Variants in CFAP77 observed in about 807,000 individuals in gnomAD.
The protein encoded by CFAP77 is cilia and flagella associated protein 77.
In CFAP77, 25 loss-of-function variants were observed where a neutral mutation model predicts 31.1. The observed-to-expected ratio is 0.80, with a 90% CI of 0.59 to 1.12. The LOEUF is 1.12. Ranked by LOEUF, CFAP77 falls within the 50% of genes most tolerant of loss-of-function variation. The pLI, the probability that CFAP77 is intolerant of heterozygous loss-of-function variation, is 0.00. For missense variants in CFAP77, 377 were observed against 397.3 expected, an observed-to-expected ratio of 0.95 and a Z score of 0.44; for synonymous variants, 151 against 159.9, an observed-to-expected ratio of 0.94 and a Z score of 0.42.
chr9:132,549,225 A>C (rs1852784724), intron 5 of CFAP77, among the ~76,000 whole-genome samples: 1 of 152,190 alleles, frequency 6.6e-6, no homozygotes, highest in Admixed American at 6.5e-5. Flanking sequence ...TGTCCAGTTA[A>C]AATGAAGATG....
chr9:132,494,803 G>A (rs1258973128), intron 1 of CFAP77, among the ~76,000 whole-genome samples: 1 of 152,166 alleles, frequency 6.6e-6, no homozygotes, highest in Non-Finnish European at 1.5e-5. Flanking sequence ...ATGGCTCTTG[G>A]CCACTGGGAC....
chr9:132,525,123 G>A (rs1036628223), intron 3 of CFAP77, among the ~76,000 whole-genome samples: 22 of 128,798 alleles, frequency 1.7e-4, no homozygotes, highest in African/African-American at 4.3e-4. Flanking sequence ...GAGTTCAAGC[G>A]GTTCTCCTGC....
Position 132,490,922 on chromosome 9 carries a change from C to A in CFAP77, c.196-7773C>A, listed in dbSNP as rs948375828. Among the ~76,000 whole-genome samples the A allele has an allele frequency of 3.9e-5, 6 of 152,176 alleles. No individual in the cohort carries two copies. The highest frequency in any genetic ancestry group is 7.3e-5 in the Non-Finnish European group (5 of 68,028). ...GTGTCTGTGTGGGTTTTTCTCCAGG[C>A]ACTCTGGTTTCCTTCCACATCCCAG... On this transcript the variant is annotated intron_variant, in intron 1 of 5. Coordinates refer to ENST00000393216, the MANE Select transcript of CFAP77 (RefSeq NM_001282957.2). The surrounding 1 kb of genome is among the most constrained non-coding windows in gnomAD (Gnocchi z 4.6).
At chr9:132,438,126 C>T (rs1004444664) in intron 1 of CFAP77, among the ~76,000 whole-genome samples, 4 of 144,718 alleles carry the variant, frequency 2.8e-5, no homozygotes, top group Non-Finnish European at 4.5e-5. Flanking sequence ...CACTTGAACC[C>T]AGGAGGCGGA....
chr9:132,571,524 G>A (rs1829959531), intron 5 of CFAP77, among the ~76,000 whole-genome samples: 1 of 152,142 alleles, frequency 6.6e-6, no homozygotes. Flanking sequence ...AGTCTCTCTG[G>A]TTTACTGCCA....
chr9:132,491,995 C>G lies in CFAP77; in HGVS notation c.196-6700C>G, dbSNP rs533891097. On this transcript the variant is annotated intron_variant, in intron 1 of 5. Coordinates refer to ENST00000393216, the MANE Select transcript of CFAP77 (RefSeq NM_001282957.2). ...CATAAATCTCAGTCTATATATTGAA[C>G]AGTAGACTTTTGCCAGGCACAGTGG... Among the ~76,000 whole-genome samples, 130 of 152,296 alleles carry G rather than the reference C, an allele frequency of 8.5e-4. 1 individual carries two copies. The highest frequency in any genetic ancestry group is 3.1e-3 in the African/African-American group (128 of 41,556).
intron 1 of CFAP77, among the ~76,000 whole-genome samples, chr9:132,446,657 T>G: frequency 6.8e-6 from 1 of 146,728 alleles, no homozygotes; most frequent in African/African-American, 2.5e-5. Flanking sequence ...AGGAGAATAG[T>G]GTGAACCCAG....
At chr9:132,435,313 T>C (rs1021195324) in intron 1 of CFAP77, among the ~76,000 whole-genome samples, 2 of 152,156 alleles carry the variant, frequency 1.3e-5, no homozygotes, top group African/African-American at 4.8e-5. Context: ...ATGTTGTAAC[T>C]TCCATTTTGG....
chr9:132,514,827 G>A (rs945842413), intron 3 of CFAP77, among the ~76,000 whole-genome samples: 5 of 152,210 alleles, frequency 3.3e-5, no homozygotes, highest in African/African-American at 7.2e-5. Flanking sequence ...TAGGGAGACA[G>A]GCGGGGCCTC....
At chr9:132,535,480 G>A (rs1852526659) in intron 3 of CFAP77, among the ~76,000 whole-genome samples, 1 of 152,160 alleles carries the variant, frequency 6.6e-6, no homozygotes. Context: ...AGGAGGCCGA[G>A]GTGGGCAGAT....
intron 3 of CFAP77, among the ~76,000 whole-genome samples, chr9:132,529,369 AG>A (rs1336039944): frequency 6.9e-5 from 6 of 87,440 alleles, no homozygotes; most frequent in Non-Finnish European, 1.3e-4. Flanking sequence ...GGGTCGGGGG[AG>A]GGGGGAGGGA....
At chr9:132,476,625 G>T (rs1389799436) in intron 1 of CFAP77, among the ~76,000 whole-genome samples, 2 of 152,124 alleles carry the variant, frequency 1.3e-5, no homozygotes, top group African/African-American at 2.4e-5. Context: ...CTGGATGTAG[G>T]GTGGGCCCTA....
intron 3 of CFAP77, among the ~76,000 whole-genome samples, chr9:132,529,926 T>C (rs1233059663): frequency 6.6e-6 from 1 of 152,056 alleles, no homozygotes; most frequent in Non-Finnish European, 1.5e-5. Flanking sequence ...GCATGGGAGC[T>C]GTAGTTTCTG....
At chr9:132,472,672 C>T (rs958735924) in intron 1 of CFAP77, among the ~76,000 whole-genome samples, 3 of 152,126 alleles carry the variant, frequency 2.0e-5, no homozygotes, top group Admixed American at 6.5e-5. Flanking sequence ...GAGGCTGTGG[C>T]GGGAAGATCA....
chr9:132,558,301 C>T (rs183823323), intron 5 of CFAP77, among the ~76,000 whole-genome samples: 149 of 152,206 alleles, frequency 9.8e-4, no homozygotes, highest in African/African-American at 3.3e-3. Flanking sequence ...GTGCTTCAAA[C>T]GATACTATCA....
chr9:132,559,177 T>C (rs926522414), intron 5 of CFAP77, among the ~76,000 whole-genome samples: 5 of 151,478 alleles, frequency 3.3e-5, no homozygotes, highest in Non-Finnish European at 5.9e-5. Context: ...ACCCGATCTC[T>C]ACTAAAAATA....
At chr9:132,556,171 T>C (rs1691468217) in intron 5 of CFAP77, among the ~76,000 whole-genome samples, 2 of 152,102 alleles carry the variant, frequency 1.3e-5, no homozygotes, top group Non-Finnish European at 2.9e-5. Flanking sequence ...CTACCCCAGA[T>C]CTCTAGGGGC....
rs2118905895 is a variant in CFAP77 at position 132,481,823 on chromosome 9, T to G, written c.196-16872T>G. Among the ~76,000 whole-genome samples, 2 of 152,288 alleles carry G rather than the reference T, an allele frequency of 1.3e-5. No homozygotes were observed. Among genetic ancestry groups the G allele is most frequent in the South Asian group, 4.1e-4 (2 of 4,830 alleles). ...CCATTTTGTGTTAAACTCCTTCTCA[T>G]TTATTACAATACCACTTTTTATTGA... On this transcript the variant is annotated intron_variant, in intron 1 of 5. Transcript: ENST00000393216. The surrounding 1 kb of genome is among the most constrained non-coding windows in gnomAD (Gnocchi z 5.0).
chr9:132,567,897 G>C (rs895774242), intron 5 of CFAP77, among the ~76,000 whole-genome samples: 3 of 152,070 alleles, frequency 2.0e-5, no homozygotes, highest in African/African-American at 7.2e-5. Context: ...ATTGGATTTA[G>C]GGCCCATCTG....
Sources: gnomAD v4.1 joint callset for allele counts (sites outside exome capture counted in the v4.1 genomes callset) on GRCh38, gnomAD v4.1.1 for gene constraint, Gnocchi (gnomAD v3.1) non-coding constraint, MANE v1.5 for transcripts, NCBI Gene and HGNC (gene_info 2026-07-23, HGNC 2026-07-21) for gene names.